NCALD: variants seen among roughly 807,000 people sequenced by gnomAD.
The protein encoded by NCALD is neurocalcin-delta.
In NCALD, 10 loss-of-function variants were observed where a neutral mutation model predicts 18.6. The observed-to-expected ratio is 0.54, with a 90% CI of 0.33 to 0.91. NCALD has a LOEUF of 0.91. NCALD is among the 40% of genes least tolerant of loss of function. The pLI is 0.03. For synonymous variants in NCALD, 88 were observed against 87.4 expected (o/e 1.01, Z -0.04); for missense variants, 184 against 247.6 (o/e 0.74, Z 1.72).
At chr8:102,005,985 T>A (rs539617624) in intron 2 of NCALD, among the ~76,000 whole-genome samples, 4 of 151,436 alleles carry the variant, frequency 2.6e-5, no homozygotes, top group African/African-American at 7.3e-5. Context: ...TATATGTAAC[T>A]AACCTGCACG....
intron 1 of NCALD, among the ~76,000 whole-genome samples, chr8:101,730,636 A>T (rs1463559559): frequency 6.6e-6 from 1 of 152,202 alleles, no homozygotes; most frequent in African/African-American, 2.4e-5. Context: ...TAAGCATCGA[A>T]TTAGGTAACA....
intron 2 of NCALD, among the ~76,000 whole-genome samples, chr8:101,976,537 G>A (rs1172884794): frequency 6.6e-6 from 1 of 152,200 alleles, no homozygotes; most frequent in Non-Finnish European, 1.5e-5. Context: ...AGCATTTGAT[G>A]TATGCAATAG....
intron 2 of NCALD, among the ~76,000 whole-genome samples, chr8:101,930,011 C>T (rs1818514183): frequency 6.6e-6 from 1 of 152,038 alleles, no homozygotes; most frequent in Non-Finnish European, 1.5e-5. Context: ...GCCAAGATCA[C>T]ACCACTGCAC....
chr8:101,932,655 T>C (rs1818621325), intron 2 of NCALD, among the ~76,000 whole-genome samples: 4 of 152,170 alleles, frequency 2.6e-5, no homozygotes, highest in Admixed American at 2.6e-4. Context: ...CTAATCATTC[T>C]TCTCTTCCTT....
intron 4 of NCALD, among the ~76,000 whole-genome samples, chr8:101,878,373 G>A (rs1816319133): frequency 2.6e-5 from 4 of 152,214 alleles, no homozygotes; most frequent in Admixed American, 2.0e-4. Context: ...CTCATTTTCA[G>A]AAACACAATT....
At chr8:102,042,989 T>C (rs1823107064) in intron 1 of NCALD, among the ~76,000 whole-genome samples, 1 of 151,818 alleles carries the variant, frequency 6.6e-6, no homozygotes, top group South Asian at 2.1e-4. Flanking sequence ...TGCAGTCCAG[T>C]CTTGTATGTA....
chr8:101,894,869 C>T (rs1817089612), intron 3 of NCALD, among the ~76,000 whole-genome samples: 2 of 150,136 alleles, frequency 1.3e-5, no homozygotes, highest in South Asian at 2.1e-4. Flanking sequence ...TGGCAATAAT[C>T]AATAGTTTAC....
intron 1 of NCALD, among the ~76,000 whole-genome samples, chr8:101,760,439 G>C (rs1353314741): frequency 6.6e-6 from 1 of 152,182 alleles, no homozygotes; most frequent in African/African-American, 2.4e-5. Context: ...GATGACAACA[G>C]GAGGGGGAAG....
At chr8:101,915,347 C>A (rs1362704129) in intron 3 of NCALD, among the ~76,000 whole-genome samples, 1 of 152,206 alleles carries the variant, frequency 6.6e-6, no homozygotes, top group Non-Finnish European at 1.5e-5. Flanking sequence ...CACGTTCATT[C>A]TCTAATACAA....
intron 1 of NCALD, among the ~76,000 whole-genome samples, chr8:101,751,096 T>C (rs746499880): frequency 3.3e-5 from 5 of 152,096 alleles, no homozygotes; most frequent in Non-Finnish European, 5.9e-5. Flanking sequence ...AACCCAAAAG[T>C]TCATCAACAG....
intron 2 of NCALD, among the ~76,000 whole-genome samples, chr8:101,987,626 A>T (rs544072244): frequency 1.3e-5 from 2 of 152,306 alleles, no homozygotes; most frequent in South Asian, 4.1e-4. Flanking sequence ...TTAAATTACA[A>T]ACTCCTTTCC....
At chr8:101,798,361 C>G (rs143877377) in intron 4 of NCALD, among the ~76,000 whole-genome samples, 1 of 152,282 alleles carries the variant, frequency 6.6e-6, no homozygotes, top group East Asian at 1.9e-4. Context: ...TTTCTCTACA[C>G]TAGTAATGAA....
chr8:101,891,771 G>C (rs1816899263), intron 3 of NCALD, among the ~76,000 whole-genome samples: 2 of 152,152 alleles, frequency 1.3e-5, no homozygotes, highest in Non-Finnish European at 2.9e-5. Context: ...TGGAAAATCA[G>C]GTCACTCCCA....
chr8:101,710,735 G>T (rs1815745785), intron 2 of NCALD, among the ~76,000 whole-genome samples: 1 of 152,218 alleles, frequency 6.6e-6, no homozygotes, highest in Non-Finnish European at 1.5e-5. Context: ...TCTGGGCAGG[G>T]CATCTCTGAA....
At chr8:101,734,937 A>C (rs897324425) in intron 1 of NCALD, among the ~76,000 whole-genome samples, 1 of 152,212 alleles carries the variant, frequency 6.6e-6, no homozygotes, top group Admixed American at 6.5e-5. Context: ...AGCAGCAAGA[A>C]AATACTGATT....
At chr8:101,819,251 A>G (rs1278933426) in intron 4 of NCALD, among the ~76,000 whole-genome samples, 3 of 145,174 alleles carry the variant, frequency 2.1e-5, no homozygotes, top group African/African-American at 7.7e-5. Context: ...TTGTTTACTT[A>G]TAAATACATA....
intron 1 of NCALD, among the ~76,000 whole-genome samples, chr8:101,765,345 C>T (rs1811302054): frequency 6.6e-6 from 1 of 152,062 alleles, no homozygotes; most frequent in South Asian, 2.1e-4. Context: ...TTAAACTGAG[C>T]GGGGCAATGT....
At chr8:101,853,116 C>T (rs1815165182) in intron 4 of NCALD, among the ~76,000 whole-genome samples, 1 of 152,106 alleles carries the variant, frequency 6.6e-6, no homozygotes, top group African/African-American at 2.4e-5. Flanking sequence ...CTTTCCTCAT[C>T]AGTAAAATAA....
intron 1 of NCALD, among the ~76,000 whole-genome samples, chr8:102,056,185 T>C (rs1176554029): frequency 6.6e-6 from 1 of 152,218 alleles, no homozygotes; most frequent in Non-Finnish European, 1.5e-5. Context: ...AACTGCATTA[T>C]TTCTCAATTT....
Sources: gnomAD v4.1 joint callset for allele counts (sites outside exome capture counted in the v4.1 genomes callset) on GRCh38, gnomAD v4.1.1 for gene constraint, MANE v1.5 for transcripts, NCBI Gene and HGNC (gene_info 2026-07-23, HGNC 2026-07-21) for gene names.